The following IGSF9B variants were observed in gnomAD, a reference collection of about 807,000 sequenced individuals.
IGSF9B encodes immunoglobulin superfamily member 9B.
IGSF9B carries 48 observed loss-of-function variants against 143.7 expected under a neutral mutation model. The ratio of observed to expected loss-of-function variants is 0.33; its 90% CI spans 0.26 to 0.42. The LOEUF is 0.42. Among genes scored for constraint, IGSF9B ranks in the 20% least tolerant of loss-of-function variants. The pLI is 1.00. For synonymous variants in IGSF9B, 903 were observed against 833.1 expected (o/e 1.08, Z -1.44); for missense variants, 1,706 against 1,980.0 (o/e 0.86, Z 2.63).
At chr11:133,944,160 G>A (rs1591724073) in intron 3 of IGSF9B, 60 bp downstream of exon 3, 3 of 1,527,732 alleles carry the variant, frequency 2.0e-6, no homozygotes, top group East Asian at 4.6e-5. Flanking sequence ...GCCCACCCCG[G>A]AAACAGCCCT....
intron 18 of IGSF9B, among the ~76,000 whole-genome samples, chr11:133,912,653 C>T (rs1939319480): frequency 6.6e-6 from 1 of 152,216 alleles, no homozygotes; most frequent in African/African-American, 2.4e-5. Flanking sequence ...GCTCAGCTCT[C>T]CTCGGCCATG....
At position 133,909,293 on chromosome 11, in the gene IGSF9B, G is replaced by A; in HGVS notation, c.4106-16C>T. On this transcript the variant is annotated splice_polypyrimidine_tract_variant and intron_variant, in intron 19 of 19. Coordinates refer to ENST00000533871, the MANE Select transcript of IGSF9B (RefSeq NM_001277285.4). This position sits in a 1 kb window ranked among gnomAD's most constrained non-coding sequence, Gnocchi z 4.2. ...GCAGAATCGTCTAGGAAGAAAGGAA[G>A]AGGGACGCAAAAGAGAAGCAAGCGG... is the stretch of plus-strand genomic sequence containing the variant. 1.3e-6 allele frequency: 2 copies of A among 1,529,866 alleles called. No individual in the cohort carries two copies. Among genetic ancestry groups the A allele is most frequent in the Non-Finnish European group, 1.8e-6 (2 of 1,141,338 alleles). 94.8% of individuals were successfully genotyped at this position (1,529,866 alleles called of 1,614,324 possible). A position where few individuals can be genotyped will look rare whatever the true frequency, so the allele number is the denominator to read the frequency against.
At position 133,923,591 on chromosome 11, in the gene IGSF9B, T is replaced by C. The variant is rs543300738; in HGVS notation, c.2120-861A>G. The stretch of plus-strand genomic sequence containing the variant: ...TTAGGTTCAGCAAAGGCAGAATCGA[T>C]AGATTGTAACGTATTTGGCCAGAAT... On this transcript the variant is annotated intron_variant, in intron 15 of 19. Transcript: ENST00000533871. 1.5e-3 allele frequency among the ~76,000 whole-genome samples: 233 copies of C among 152,362 alleles called. 7 individuals carry two copies. Among genetic ancestry groups the C allele is most frequent in the East Asian group, 6.5e-3 (34 of 5,194 alleles).
chr11:133,945,969 AG>A lies in IGSF9B; in HGVS notation c.262+91del. 1 of 799,394 alleles carries A rather than the reference AG, an allele frequency of 1.3e-6. No individual in the cohort carries two copies. Among genetic ancestry groups the A allele is most frequent in the South Asian group, 1.9e-5 (1 of 53,988 alleles). 49.5% of individuals were successfully genotyped at this position (799,394 alleles called of 1,614,324 possible). A position where few individuals can be genotyped will look rare whatever the true frequency, so the allele number is the denominator to read the frequency against. On this transcript the variant is annotated intron_variant, in intron 2 of 19. Transcript: ENST00000533871. The surrounding 1 kb of genome is among the most constrained non-coding windows in gnomAD (Gnocchi z 4.6). The stretch of plus-strand genomic sequence containing the variant: ...CAGAGACTGGGAAACAGAGATAAAG[AG>A]TGGTCAGGACAAGGCAGGGGCCAGA...
At chr11:133,926,605 C>T (rs907663070) in intron 13 of IGSF9B, among the ~76,000 whole-genome samples, 8 of 152,234 alleles carry the variant, frequency 5.3e-5, no homozygotes, top group East Asian at 1.9e-4. Context: ...AACCGGCAGG[C>T]GCTGCCAAGG....
At chr11:133,935,489 T>C (rs1939805325) in intron 7 of IGSF9B, 128 bp downstream of exon 7, 4 of 1,114,132 alleles carry the variant, frequency 3.6e-6, no homozygotes, top group Non-Finnish European at 3.7e-6. Context: ...CCTTCTTCTC[T>C]TATTCGCTCC....
At chr11:133,914,152 C>T (rs1438173383) in intron 18 of IGSF9B, among the ~76,000 whole-genome samples, 4 of 152,218 alleles carry the variant, frequency 2.6e-5, no homozygotes, top group Non-Finnish European at 5.9e-5. Flanking sequence ...ACAGCAGGCA[C>T]TGCTGTACAA....
chr11:133,919,401 G>A (rs1367888791), intron 18 of IGSF9B, among the ~76,000 whole-genome samples: 1 of 152,294 alleles, frequency 6.6e-6, no homozygotes, highest in East Asian at 1.9e-4. Flanking sequence ...GCAGGGACTC[G>A]GAGAGCCGTC....
rs374209023 is a variant in IGSF9B, at chr11:133,926,986, C to T, written c.1737G>A (p.Gln579=). ...GCTTGTTCTGGGCCAGGACGCTGAA[C>T]TGGTACGCTGTCTCAGGCTCCAGGG... ...VDTLEPETAY[Q]FSVLAQNKLG... The change falls in exon 13 of 20, where the codon CAG becomes CAA. Residue 579 remains glutamine, a synonymous_variant. Transcript: ENST00000533871. The T allele has an allele frequency of 6.3e-6, 10 of 1,590,320 alleles. No individual in the cohort carries two copies. The highest frequency in any genetic ancestry group is 1.7e-4 in the Middle Eastern group (1 of 6,004).
At chr11:133,943,412 C>T (rs1939989050) in intron 3 of IGSF9B, among the ~76,000 whole-genome samples, 1 of 152,174 alleles carries the variant, frequency 6.6e-6, no homozygotes. Flanking sequence ...AGAGTACCTC[C>T]TTCCAGGGAC....
rs1939738884 is a variant in IGSF9B, at chr11:133,931,948, C to T, written c.1110+123G>A. ...CCCGCAGACCCCTACAGAAGCAGCTCTCTGTTTGCCCAGGGCTTTTGGAAG... is the reference window on the plus strand; with the variant it reads ...CCCGCAGACCCCTACAGAAGCAGCTTTCTGTTTGCCCAGGGCTTTTGGAAG... On this transcript the variant is annotated intron_variant, in intron 8 of 19. Coordinates refer to ENST00000533871, the MANE Select transcript of IGSF9B (RefSeq NM_001277285.4). The surrounding 1 kb of genome is among the most constrained non-coding windows in gnomAD (Gnocchi z 7.7). 2.0e-6 allele frequency: 3 copies of T among 1,486,960 alleles called. No homozygotes were observed. Among genetic ancestry groups the T allele is most frequent in the Non-Finnish European group, 2.7e-6 (3 of 1,106,004 alleles). The allele number at this position is 1,486,960 out of a possible 1,614,324, so 92.1% of individuals were successfully genotyped here. A position where few individuals can be genotyped will look rare whatever the true frequency, so the allele number is the denominator to read the frequency against.
Position 133,902,496 on chromosome 11 carries a change from C to T in IGSF9B, c.*6573G>A. On this transcript the variant is annotated 3_prime_UTR_variant, in exon 20 of 20. Transcript: ENST00000533871. ...CACCACACACAACACACACACACAC[C>T]AGACATGCACACCACACACAGACAT... Among the ~76,000 whole-genome samples the T allele has an allele frequency of 9.9e-6, 1 of 101,362 alleles. No homozygotes were observed. The highest frequency in any genetic ancestry group is 2.3e-5 in the Non-Finnish European group (1 of 42,808). The allele number at this position is 101,362 out of a possible 152,430, so 66.5% of individuals were successfully genotyped here.
rs995494994 is a variant in IGSF9B, at chr11:133,956,885, C to G, written c.-131G>C. 8.7e-6 allele frequency: 4 copies of G among 461,402 alleles called. No individual in the cohort carries two copies. Among genetic ancestry groups the G allele is most frequent in the South Asian group, 1.1e-4 (1 of 9,420 alleles). The allele number at this position is 461,402 out of a possible 1,614,324, so 28.6% of individuals were successfully genotyped here. A position where few individuals can be genotyped will look rare whatever the true frequency, so the allele number is the denominator to read the frequency against. ...CGCCCCGCGCCGGTGCTCCTGCAGC[C>G]CGGGTGGCCAGCTCTCCATCCCTCC... On this transcript the variant is annotated 5_prime_UTR_variant, in exon 1 of 20. Transcript: ENST00000533871.
intron 1 of IGSF9B, among the ~76,000 whole-genome samples, chr11:133,951,357 C>T (rs1042594500): frequency 1.1e-4 from 16 of 152,342 alleles, no homozygotes; most frequent in South Asian, 2.1e-4. Flanking sequence ...ACAGCCCTCC[C>T]GGCCCCCACG....
At chr11:133,940,051 C>G (rs1176563510) in intron 3 of IGSF9B, among the ~76,000 whole-genome samples, 2 of 125,248 alleles carry the variant, frequency 1.6e-5, no homozygotes, top group Admixed American at 1.6e-4. Context: ...CATGTCCTCG[C>G]ACGTGTCATC....
At position 133,919,980 on chromosome 11, in the gene IGSF9B, G is replaced by C; in HGVS notation, c.3745C>G (p.Arg1249Gly). The C allele has an allele frequency of 1.3e-6, 2 of 1,576,052 alleles. No individual in the cohort carries two copies. Among genetic ancestry groups the C allele is most frequent in the African/African-American group, 1.4e-5 (1 of 73,314 alleles). ...LQPPAAVSFS[R>G]KSTPSTGSPS... ...GAGCCTGTGGACGGCGTAGACTTTC[G>C]AGAAAAGCTGACTGCAGCCGGCGGC... is the stretch of plus-strand genomic sequence containing the variant. The change falls in exon 18 of 20, where the codon CGA becomes GGA. Residue 1249 changes from arginine (R) to glycine (G), a missense_variant. By Grantham distance (125) the Arg-to-Gly change is moderately radical. Transcript: ENST00000533871.
At chr11:133,940,226 TCGCA>T in intron 3 of IGSF9B, among the ~76,000 whole-genome samples, 1 of 120,682 alleles carries the variant, frequency 8.3e-6, no homozygotes, top group African/African-American at 3.2e-5. Context: ...GCACGCGTCA[TCGCA>T]CGCAAAAACA....
In IGSF9B at chr11:133,913,100, ACT is replaced by A. The variant is rs145599329; in HGVS notation, c.3984-1095_3984-1094del. Among the ~76,000 whole-genome samples the A allele has an allele frequency of 2.0e-5, 3 of 152,204 alleles. No homozygotes were observed. In the East Asian group the frequency reaches 5.8e-4, roughly 29 times the overall value. The stretch of plus-strand genomic sequence containing the variant: ...AAGGGGAAAGAGAAAAAGACAGGTC[ACT>A]CTGTCTTCCCACCAGCGCTGGCATT... On this transcript the variant is annotated intron_variant, in intron 18 of 19. Transcript: ENST00000533871. The surrounding 1 kb of genome is among the most constrained non-coding windows in gnomAD (Gnocchi z 4.6).
At chr11:133,910,561 C>T (rs868763588) in intron 19 of IGSF9B, among the ~76,000 whole-genome samples, 2 of 152,268 alleles carry the variant, frequency 1.3e-5, no homozygotes, top group Middle Eastern at 3.4e-3. Flanking sequence ...CGAGGAAGAG[C>T]TGAGGAGAAG....
Sources: allele counts gnomAD v4.1 joint callset (sites outside exome capture counted in the v4.1 genomes callset), GRCh38; gene constraint gnomAD v4.1.1; non-coding constraint Gnocchi (gnomAD v3.1); transcripts MANE v1.5; gene names NCBI Gene and HGNC (gene_info 2026-07-23, HGNC 2026-07-21).